Variants in NTM observed in about 807,000 individuals in gnomAD.
NTM encodes the protein IgLON family member 2.
Under a neutral mutation model 42.1 loss-of-function variants are expected in NTM, and 13 were observed. The ratio of observed to expected loss-of-function variants is 0.31; its 90% CI spans 0.20 to 0.49. The LOEUF is 0.49. Ranked by LOEUF, NTM falls within the 20% of genes least tolerant of loss-of-function variation. The pLI is 0.99. For synonymous variants in NTM, 187 were observed against 179.2 expected, an observed-to-expected ratio of 1.04 and a Z score of -0.35; for missense variants, 373 against 452.8, an observed-to-expected ratio of 0.82 and a Z score of 1.60.
chr11:132,310,353 A>T, intron 6 of NTM, 121 bp downstream of exon 6: 1 of 939,424 alleles, frequency 1.1e-6, no homozygotes, highest in Non-Finnish European at 1.5e-6. Flanking sequence ...ACTTATCTCT[A>T]TAGGGGGCAA....
intron 1 of NTM, among the ~76,000 whole-genome samples, chr11:131,508,668 A>C (rs1215605540): frequency 6.6e-6 from 1 of 151,168 alleles, no homozygotes; most frequent in Non-Finnish European, 1.5e-5. Flanking sequence ...GGATGAAGAA[A>C]ATGTGGCACA....
At chr11:131,732,730 G>T (rs1565479878) in intron 1 of NTM, among the ~76,000 whole-genome samples, 1 of 152,056 alleles carries the variant, frequency 6.6e-6, no homozygotes, top group East Asian at 1.9e-4. Context: ...ATTCCTAGAG[G>T]GTACTGGAGT....
intron 1 of NTM, among the ~76,000 whole-genome samples, chr11:131,472,161 C>G (rs552192354): frequency 9.2e-5 from 14 of 152,266 alleles, no homozygotes; most frequent in Admixed American, 1.3e-4. Context: ...GCGGGATTCC[C>G]TTGAGTGATT....
intron 3 of NTM, among the ~76,000 whole-genome samples, chr11:132,187,689 C>T (rs995244625): frequency 3.3e-5 from 5 of 152,180 alleles, no homozygotes; most frequent in Non-Finnish European, 5.9e-5. Flanking sequence ...TGAGGCATCT[C>T]TGGGCTTTGG....
At chr11:131,755,198 T>A (rs988865619) in intron 1 of NTM, among the ~76,000 whole-genome samples, 6 of 152,196 alleles carry the variant, frequency 3.9e-5, no homozygotes, top group Admixed American at 1.3e-4. Flanking sequence ...AGTTATACAA[T>A]AAAAATTGGT....
chr11:132,310,462 T>G (rs2095246913), intron 6 of NTM, among the ~76,000 whole-genome samples: 1 of 152,180 alleles, frequency 6.6e-6, no homozygotes, highest in Admixed American at 6.5e-5. Context: ...ATCTGAAAGG[T>G]AACTTTTTTT....
chr11:132,212,633 G>C (rs1450746484), intron 4 of NTM, among the ~76,000 whole-genome samples: 1 of 152,128 alleles, frequency 6.6e-6, no homozygotes, highest in African/African-American at 2.4e-5. Context: ...TACTCCGATT[G>C]ATCCTAGAGA....
At chr11:131,915,803 A>C (rs1034763442) in intron 2 of NTM, among the ~76,000 whole-genome samples, 5 of 152,190 alleles carry the variant, frequency 3.3e-5, no homozygotes, top group African/African-American at 2.4e-5. Context: ...AAATCATCAG[A>C]TCCTGTGAGA....
intron 1 of NTM, among the ~76,000 whole-genome samples, chr11:131,459,835 T>C (rs7110822): frequency 0.081 from 12,383 of 152,228 alleles, 1,213 homozygotes; most frequent in African/African-American, 0.22. Flanking sequence ...ATGCAGATCA[T>C]ACTTTCACCT....
At chr11:131,571,867 T>C (rs2057470597) in intron 1 of NTM, among the ~76,000 whole-genome samples, 1 of 152,302 alleles carries the variant, frequency 6.6e-6, no homozygotes, top group African/African-American at 2.4e-5. Flanking sequence ...TTTGGTAATA[T>C]GGGCTTTGGG....
chr11:131,937,208 C>T (rs564994), intron 2 of NTM, among the ~76,000 whole-genome samples: 104,465 of 152,140 alleles, frequency 0.69, 36,905 homozygotes, highest in East Asian at 0.97. Flanking sequence ...TGTGTGTTTT[C>T]TTAATACCCT....
chr11:132,164,591 T>C (rs1049757772), intron 3 of NTM, among the ~76,000 whole-genome samples: 1 of 151,972 alleles, frequency 6.6e-6, no homozygotes, highest in Non-Finnish European at 1.5e-5. Flanking sequence ...CGATGGCTGA[T>C]GGAATGTCTG....
intron 2 of NTM, among the ~76,000 whole-genome samples, chr11:131,964,428 T>C (rs2062581890): frequency 6.6e-6 from 1 of 152,160 alleles, no homozygotes; most frequent in African/African-American, 2.4e-5. Context: ...GTCAGCAAAA[T>C]AAGCCAGGGC....
chr11:132,062,869 G>A (rs1012386424), intron 2 of NTM, among the ~76,000 whole-genome samples: 1 of 152,180 alleles, frequency 6.6e-6, no homozygotes, highest in African/African-American at 2.4e-5. Flanking sequence ...TGGAAGGCCA[G>A]GGTTCTCAGT....
At chr11:132,293,941 G>A (rs553123776) in intron 4 of NTM, among the ~76,000 whole-genome samples, 6 of 152,212 alleles carry the variant, frequency 3.9e-5, no homozygotes, top group South Asian at 4.2e-4. Context: ...TATAGAAAAC[G>A]TTGGCTGACC....
intron 1 of NTM, among the ~76,000 whole-genome samples, chr11:131,510,786 G>T (rs577892912): frequency 1.3e-5 from 2 of 152,296 alleles, no homozygotes; most frequent in African/African-American, 4.8e-5. Context: ...TTGTGCCCCA[G>T]TTGGAGTCCA....
At chr11:132,191,115 G>A (rs1289023078) in intron 3 of NTM, among the ~76,000 whole-genome samples, 6 of 152,260 alleles carry the variant, frequency 3.9e-5, no homozygotes, top group Non-Finnish European at 5.9e-5. Flanking sequence ...AAACTAAAAA[G>A]CATTGTTGCA....
intron 1 of NTM, among the ~76,000 whole-genome samples, chr11:131,508,535 G>A (rs1478629584): frequency 2.6e-4 from 36 of 136,382 alleles, no homozygotes; most frequent in Admixed American, 4.4e-4. Flanking sequence ...CCATTACTGG[G>A]TATATACCCA....
chr11:131,803,444 G>T (rs1033326585), intron 1 of NTM, among the ~76,000 whole-genome samples: 1 of 152,016 alleles, frequency 6.6e-6, no homozygotes, highest in Admixed American at 6.6e-5. Flanking sequence ...AAGTAGCTGG[G>T]ACTACAGGTG....
Sources: gnomAD v4.1 joint callset for allele counts (sites outside exome capture counted in the v4.1 genomes callset) on GRCh38, gnomAD v4.1.1 for gene constraint, MANE v1.5 for transcripts, NCBI Gene and HGNC (gene_info 2026-07-23, HGNC 2026-07-21) for gene names.